ARK2N: variants seen among roughly 807,000 people sequenced by gnomAD.
ARK2N encodes protein ARK2N.
At chr18:46,209,136 A>C in the ARK2N span, among the ~76,000 whole-genome samples, 2 of 152,174 alleles carry the variant, frequency 1.3e-5, no homozygotes, top group African/African-American at 4.8e-5. Flanking sequence ...GGTTTTGAGC[A>C]GGGGAAAGCA....
At chr18:46,210,587 G>A in the ARK2N span, among the ~76,000 whole-genome samples, 1 of 152,160 alleles carries the variant, frequency 6.6e-6, no homozygotes, top group African/African-American at 2.4e-5. Context: ...ACTAGTCTAG[G>A]GATGGTATTG....
At chr18:46,196,548 A>C in the ARK2N span, among the ~76,000 whole-genome samples, 2,944 of 152,266 alleles carry the variant, frequency 0.019, 74 homozygotes, top group African/African-American at 0.06. Flanking sequence ...GGTGTGAACC[A>C]CCTTGCCTGG....
At chr18:46,198,106 G>A in the ARK2N span, among the ~76,000 whole-genome samples, 10 of 151,782 alleles carry the variant, frequency 6.6e-5, no homozygotes, top group South Asian at 1.0e-3. Flanking sequence ...GTTCAAAACC[G>A]GCCTCACCAA....
At chr18:46,185,235 G>T in the ARK2N span, among the ~76,000 whole-genome samples, 2 of 152,170 alleles carry the variant, frequency 1.3e-5, no homozygotes, top group Non-Finnish European at 2.9e-5. Context: ...CTGTTTTCAT[G>T]GGAGATGCAA....
At chr18:46,229,353 CTTG>C in the ARK2N span, among the ~76,000 whole-genome samples, 12 of 151,914 alleles carry the variant, frequency 7.9e-5, no homozygotes, top group Non-Finnish European at 1.3e-4. Context: ...ATGGTAAGTA[CTTG>C]TTGTTTTTTG....
chr18:46,181,267 T>TG, the ARK2N span, among the ~76,000 whole-genome samples: 340 of 149,696 alleles, frequency 2.3e-3, 4 homozygotes, highest in East Asian at 0.022. Flanking sequence ...TCTCGGGAGG[T>TG]GGGGGGGGAA....
the ARK2N span, among the ~76,000 whole-genome samples, chr18:46,254,426 T>C: frequency 6.6e-6 from 1 of 152,220 alleles, no homozygotes; most frequent in Admixed American, 6.5e-5. Context: ...TTTATGAAGT[T>C]TGGCATTCGT....
chr18:46,182,339 CT>C, the ARK2N span, among the ~76,000 whole-genome samples: 1 of 152,192 alleles, frequency 6.6e-6, no homozygotes, highest in Non-Finnish European at 1.5e-5. Context: ...ATTTTGGCAG[CT>C]TTTATCTTGG....
the ARK2N span, among the ~76,000 whole-genome samples, chr18:46,245,037 C>T: frequency 6.6e-6 from 1 of 151,908 alleles, no homozygotes; most frequent in African/African-American, 2.4e-5. Flanking sequence ...TCAAGTGATT[C>T]TCCTGCCTCA....
the ARK2N span, among the ~76,000 whole-genome samples, chr18:46,208,366 G>A: frequency 2.6e-5 from 4 of 151,778 alleles, no homozygotes; most frequent in African/African-American, 4.8e-5. Context: ...GCCTTTTTTC[G>A]TGATAATATT....
At chr18:46,195,420 C>T in the ARK2N span, among the ~76,000 whole-genome samples, 2 of 151,306 alleles carry the variant, frequency 1.3e-5, no homozygotes, top group African/African-American at 4.9e-5. Flanking sequence ...TGTGCACTGT[C>T]ATTCCCATTG....
At chr18:46,190,034 A>T in the ARK2N span, among the ~76,000 whole-genome samples, 194 of 152,318 alleles carry the variant, frequency 1.3e-3, 1 homozygote, top group African/African-American at 4.5e-3. Flanking sequence ...TCTTCTAAAT[A>T]TATCTATCTA....
the ARK2N span, among the ~76,000 whole-genome samples, chr18:46,206,908 C>T: frequency 6.6e-6 from 1 of 152,242 alleles, no homozygotes; most frequent in East Asian, 1.9e-4. Context: ...TCCCAAGTAG[C>T]TGGGCTGCAG....
chr18:46,182,609 A>C, the ARK2N span, among the ~76,000 whole-genome samples: 1 of 150,482 alleles, frequency 6.6e-6, no homozygotes, highest in African/African-American at 2.4e-5. Flanking sequence ...AATTAAAAGA[A>C]CCTCTGTTTT....
chr18:46,235,114 C>T, the ARK2N span, among the ~76,000 whole-genome samples: 3 of 152,144 alleles, frequency 2.0e-5, no homozygotes, highest in Non-Finnish European at 4.4e-5. Flanking sequence ...GAGAGAGTGA[C>T]AACACTTGTG....
the ARK2N span, among the ~76,000 whole-genome samples, chr18:46,201,802 G>A: frequency 5.6e-5 from 8 of 142,980 alleles, no homozygotes; most frequent in African/African-American, 1.3e-4. Context: ...TTTTAAGACC[G>A]AGTCTCACTC....
chr18:46,253,826 A>G, the ARK2N span: 5 of 1,602,676 alleles, frequency 3.1e-6, no homozygotes, highest in Admixed American at 1.7e-5. Context: ...CATGCAAGGT[A>G]GGATACTAAT....
the ARK2N span, among the ~76,000 whole-genome samples, chr18:46,190,935 T>C: frequency 6.6e-6 from 1 of 152,220 alleles, no homozygotes; most frequent in Non-Finnish European, 1.5e-5. Context: ...TCTGTGGTTT[T>C]TTTTAAAGCA....
At chr18:46,262,681 G>T in the ARK2N span, among the ~76,000 whole-genome samples, 1 of 152,160 alleles carries the variant, frequency 6.6e-6, no homozygotes, top group South Asian at 2.1e-4. Context: ...CACAACTCAG[G>T]AGTTTCTGGC....
Sources: gnomAD v4.1 joint callset for allele counts (sites outside exome capture counted in the v4.1 genomes callset) on GRCh38, gnomAD v4.1.1 for gene constraint, MANE v1.5 for transcripts, NCBI Gene and HGNC (gene_info 2026-07-23, HGNC 2026-07-21) for gene names.